TOM1L2: variants seen among roughly 807,000 people sequenced by gnomAD.
The protein encoded by TOM1L2 is target of myb1 like 2 membrane trafficking protein, also known as TOM1-like protein 2.
Under a neutral mutation model 67.9 loss-of-function variants are expected in TOM1L2, and 31 were observed. The ratio of observed to expected loss-of-function variants is 0.46; its 90% confidence interval spans 0.34 to 0.62. TOM1L2 has a LOEUF of 0.62. Ranked by LOEUF, TOM1L2 falls within the 20% of genes least tolerant of loss-of-function variation. The pLI, the probability that TOM1L2 is intolerant of heterozygous loss-of-function variation, is 0.01. For synonymous variants in TOM1L2, 256 were observed against 254.0 expected (o/e 1.01, Z -0.07); for missense variants, 606 against 663.5 (o/e 0.91, Z 0.95).
At chr17:17,904,355 A>G (rs2144371563) in intron 2 of TOM1L2, among the ~76,000 whole-genome samples, 1 of 152,356 alleles carries the variant, frequency 6.6e-6, no homozygotes, top group South Asian at 2.1e-4. Flanking sequence ...CCCTCAAGCC[A>G]TAGAGATATT....
intron 8 of TOM1L2, among the ~76,000 whole-genome samples, chr17:17,867,170 T>C (rs369760871): frequency 2.0e-5 from 3 of 152,052 alleles, no homozygotes; most frequent in Admixed American, 1.3e-4. Context: ...TGGCCCATCA[T>C]GGAGGTCATT....
At chr17:17,881,100 C>A (rs994772519) in intron 6 of TOM1L2, among the ~76,000 whole-genome samples, 2 of 152,196 alleles carry the variant, frequency 1.3e-5, no homozygotes, top group African/African-American at 2.4e-5. Context: ...ATACCCTCAG[C>A]ACAGAGACAG....
At chr17:17,940,110 T>C (rs1369684502) in intron 1 of TOM1L2, among the ~76,000 whole-genome samples, 2 of 149,806 alleles carry the variant, frequency 1.3e-5, no homozygotes, top group Admixed American at 6.7e-5. Flanking sequence ...TGAGAATCAC[T>C]TGAACCCAGG....
rs10555800 is a variant in TOM1L2 at position 17,969,859 on chromosome 17, TTCTC to T, written c.52+2399_52+2402del. ...TACATTACTCTGTGAATAGGAATCT[TTCTC>T]TCTCTCTCTCTCTCTCTCAGAAGAC... is the stretch of plus-strand genomic sequence containing the variant. On this transcript the variant is annotated intron_variant, in intron 1 of 14. Coordinates refer to ENST00000379504, the MANE Select transcript of TOM1L2 (RefSeq NM_001082968.2). 1.0e-2 allele frequency among the ~76,000 whole-genome samples: 1,500 copies of T among 150,124 alleles called. 12 individuals are homozygous for T. The highest frequency in any genetic ancestry group is 0.015 in the Non-Finnish European group (1,002 of 67,396).
At chr17:17,872,443 A>G (rs865867996) in intron 7 of TOM1L2, among the ~76,000 whole-genome samples, 3 of 152,228 alleles carry the variant, frequency 2.0e-5, no homozygotes, top group Non-Finnish European at 4.4e-5. Context: ...TCCTAAAAGA[A>G]AAAAAGGATA....
chr17:17,945,432 C>T (rs748412305), intron 1 of TOM1L2, among the ~76,000 whole-genome samples: 5 of 152,146 alleles, frequency 3.3e-5, no homozygotes, highest in African/African-American at 2.4e-5. Context: ...TGAGAGAACA[C>T]TTATACATCA....
chr17:17,917,480 T>TCC (rs1568270770), intron 1 of TOM1L2, among the ~76,000 whole-genome samples: 5 of 75,266 alleles, frequency 6.6e-5, no homozygotes, highest in East Asian at 1.1e-3. Context: ...TTTTTTTTTT[T>TCC]CAGAGACAGG....
chr17:17,941,125 G>A (rs2040717851), intron 1 of TOM1L2, among the ~76,000 whole-genome samples: 1 of 152,226 alleles, frequency 6.6e-6, no homozygotes, highest in Non-Finnish European at 1.5e-5. Flanking sequence ...GGTCATCTCA[G>A]TAAGAAAGGC....
chr17:17,969,529 A>C (rs2041990529), intron 1 of TOM1L2, among the ~76,000 whole-genome samples: 1 of 152,136 alleles, frequency 6.6e-6, no homozygotes, highest in African/African-American at 2.4e-5. Flanking sequence ...ATACATTAGA[A>C]CCTAATTCTG....
chr17:17,895,477 C>T (rs778958684), intron 3 of TOM1L2, among the ~76,000 whole-genome samples: 1 of 152,242 alleles, frequency 6.6e-6, no homozygotes, highest in African/African-American at 2.4e-5. Context: ...ATGCCAGGCA[C>T]TATGAGAGAT....
intron 1 of TOM1L2, among the ~76,000 whole-genome samples, chr17:17,956,993 C>G (rs2041486026): frequency 6.6e-6 from 1 of 152,220 alleles, no homozygotes; most frequent in Non-Finnish European, 1.5e-5. Context: ...CGCCTGAGAG[C>G]GAGCAACGGC....
At chr17:17,965,400 C>T (rs181930679) in intron 1 of TOM1L2, among the ~76,000 whole-genome samples, 112 of 152,294 alleles carry the variant, frequency 7.4e-4, no homozygotes, top group African/African-American at 2.5e-3. Context: ...TCTTAACATC[C>T]AGCATTTGCT....
intron 3 of TOM1L2, among the ~76,000 whole-genome samples, chr17:17,896,628 C>A (rs2038585962): frequency 6.6e-6 from 1 of 152,198 alleles, no homozygotes; most frequent in Admixed American, 6.5e-5. Flanking sequence ...CAAACAGGAC[C>A]CTGGCAGTTT....
chr17:17,942,031 T>C (rs1430076387), intron 1 of TOM1L2, among the ~76,000 whole-genome samples: 1 of 152,200 alleles, frequency 6.6e-6, no homozygotes, highest in African/African-American at 2.4e-5. Flanking sequence ...AACTTTTTAT[T>C]TGAATGTTCT....
At chr17:17,849,255 G>GGGTC (rs1216471115) in intron 13 of TOM1L2, among the ~76,000 whole-genome samples, 1 of 152,204 alleles carries the variant, frequency 6.6e-6, no homozygotes, top group Non-Finnish European at 1.5e-5. Context: ...AGCACACACA[G>GGGTC]GGTCACGTGT....
At chr17:17,884,882 C>T (rs1281153213) in intron 4 of TOM1L2, 114 bp from the exon 5 acceptor site, 1 of 1,372,408 alleles carries the variant, frequency 7.3e-7, no homozygotes, top group South Asian at 1.3e-5. Context: ...CTTGCACATG[C>T]AAATTGCACT....
At position 17,897,805 on chromosome 17, in the gene TOM1L2, T is replaced by C. The variant is rs187304003; in HGVS notation, c.216+791A>G. Among the ~76,000 whole-genome samples, 13 of 152,336 alleles carry C rather than the reference T, an allele frequency of 8.5e-5. No individual in the cohort carries two copies. The East Asian group carries it at 1.5e-3, about 18-fold the overall frequency. On this transcript the variant is annotated intron_variant, in intron 3 of 14. Transcript: ENST00000379504. The stretch of plus-strand genomic sequence containing the variant: ...CTCTCTGAGCCTCAGTTTCATCATC[T>C]GTACGGGGGAGGATAGTAAAATCTC...
intron 6 of TOM1L2, 125 bp downstream of exon 6, chr17:17,882,580 C>T: frequency 7.6e-7 from 1 of 1,320,840 alleles, no homozygotes; most frequent in Non-Finnish European, 1.0e-6. Context: ...GGATTGAGCC[C>T]TTCCATCTCT....
At chr17:17,923,385 G>A (rs1440309960) in intron 1 of TOM1L2, among the ~76,000 whole-genome samples, 4 of 152,064 alleles carry the variant, frequency 2.6e-5, no homozygotes. Context: ...TGGGCGACAA[G>A]AGTGAAACTC....
Sources: allele counts gnomAD v4.1 joint callset (sites outside exome capture counted in the v4.1 genomes callset), GRCh38; gene constraint gnomAD v4.1.1; transcripts MANE v1.5; gene names NCBI Gene and HGNC (gene_info 2026-07-23, HGNC 2026-07-21).